The following FGF10 variants were observed in gnomAD, a reference collection of about 807,000 sequenced individuals.
FGF10 encodes FGF-10.
Under a neutral mutation model 19.8 loss-of-function variants are expected in FGF10, and 2 were observed. The ratio of observed to expected loss-of-function variants is 0.10; its 90% CI spans 0.04 to 0.32. The LOEUF is 0.32. FGF10 is among the 10% of genes least tolerant of loss of function. The pLI is 1.00. For synonymous variants in FGF10, 112 were observed against 94.0 expected (o/e 1.19, Z -1.10); for missense variants, 191 against 246.3 (o/e 0.78, Z 1.50).
intron 1 of FGF10, among the ~76,000 whole-genome samples, chr5:44,325,842 G>A (rs1740602967): frequency 6.6e-6 from 1 of 151,656 alleles, no homozygotes. Flanking sequence ...TGCACGTTGT[G>A]CACATGTACC....
chr5:44,363,633 C>T (rs892643902), intron 1 of FGF10, among the ~76,000 whole-genome samples: 2 of 151,820 alleles, frequency 1.3e-5, no homozygotes, highest in African/African-American at 4.8e-5. Context: ...GATTCACCCA[C>T]CTTAAATGTG....
intron 1 of FGF10, among the ~76,000 whole-genome samples, chr5:44,360,754 A>G (rs1469921962): frequency 6.6e-6 from 1 of 151,718 alleles, no homozygotes; most frequent in Non-Finnish European, 1.5e-5. Context: ...GGATGTAATT[A>G]ATATTTGCAA....
At chr5:44,353,220 A>G (rs917158296) in intron 1 of FGF10, among the ~76,000 whole-genome samples, 1 of 151,638 alleles carries the variant, frequency 6.6e-6, no homozygotes, top group African/African-American at 2.4e-5. Context: ...TTCAATATCC[A>G]TGTAAGAATC....
At chr5:44,365,701 T>A (rs1171753231) in intron 1 of FGF10, among the ~76,000 whole-genome samples, 3 of 151,992 alleles carry the variant, frequency 2.0e-5, no homozygotes, top group African/African-American at 7.2e-5. Flanking sequence ...AGATCTAACC[T>A]TACTGCATAT....
chr5:44,375,631 G>A (rs1741835846), intron 1 of FGF10, among the ~76,000 whole-genome samples: 2 of 152,274 alleles, frequency 1.3e-5, no homozygotes, highest in Admixed American at 1.3e-4. Context: ...GGGATGTGAT[G>A]GAATGTAGTA....
chr5:44,348,981 G>C (rs1254756216), intron 1 of FGF10, among the ~76,000 whole-genome samples: 4 of 151,310 alleles, frequency 2.6e-5, no homozygotes, highest in African/African-American at 9.7e-5. Context: ...GGTGAACCAG[G>C]GTTTCTCTTC....
At position 44,388,834 on chromosome 5, in the gene FGF10, A is replaced by C; in HGVS notation, c.-152T>G. On this transcript the variant is annotated 5_prime_UTR_variant, in exon 1 of 3. An upstream start codon of the reference 5' UTR is lost. Coordinates refer to ENST00000264664, the MANE Select transcript of FGF10 (RefSeq NM_004465.2). ...TCTGGCCAGAAGTGAATGCACCAACATCCATAACTCCTCGGAAAAGCCGGC... is the reference window on the plus strand; with the variant it reads ...TCTGGCCAGAAGTGAATGCACCAACCTCCATAACTCCTCGGAAAAGCCGGC... 1.3e-6 allele frequency: 1 copy of C among 760,082 alleles called. No homozygotes were observed. Among genetic ancestry groups the C allele is most frequent in the Non-Finnish European group, 2.3e-6 (1 of 431,010 alleles). 47.1% of individuals were successfully genotyped at this position (760,082 alleles called of 1,614,324 possible). A position where few individuals can be genotyped will look rare whatever the true frequency, so the allele number is the denominator to read the frequency against.
intron 1 of FGF10, among the ~76,000 whole-genome samples, chr5:44,352,112 T>C (rs574925658): frequency 1.3e-5 from 2 of 151,590 alleles, no homozygotes; most frequent in Non-Finnish European, 3.0e-5. Flanking sequence ...AGGAGCACAT[T>C]TGGGGATGCA....
intron 1 of FGF10, among the ~76,000 whole-genome samples, chr5:44,330,547 C>T (rs1740708914): frequency 6.6e-6 from 1 of 152,110 alleles, no homozygotes; most frequent in South Asian, 2.1e-4. Context: ...GAGTGTGTCA[C>T]TAATATTACT....
rs569887675 is a variant in FGF10, at chr5:44,366,944, A to G, written c.325+21414T>C. ...AAATAAATGTCAGCAACCCTAAGTT[A>G]ACTTCTCTTAAAATTTTGCTTTCTT... On this transcript the variant is annotated intron_variant, in intron 1 of 2. Transcript: ENST00000264664. Among the ~76,000 whole-genome samples, 4 of 152,202 alleles carry G rather than the reference A, an allele frequency of 2.6e-5. No individual in the cohort carries two copies. The South Asian group carries it at 8.3e-4, about 32-fold the overall frequency.
chr5:44,325,881 T>TA (rs5867660), intron 1 of FGF10, among the ~76,000 whole-genome samples: 5 of 151,650 alleles, frequency 3.3e-5, no homozygotes, highest in East Asian at 1.9e-4. Context: ...TACAAAATTT[T>TA]AAAAAAAAGA....
chr5:44,359,247 T>C (rs1337661856), intron 1 of FGF10, among the ~76,000 whole-genome samples: 1 of 151,494 alleles, frequency 6.6e-6, no homozygotes, highest in Non-Finnish European at 1.5e-5. Flanking sequence ...TTGCATATTT[T>C]TGCATAAAAG....
chr5:44,325,121 G>A (rs1217060213), intron 1 of FGF10, among the ~76,000 whole-genome samples: 1 of 152,080 alleles, frequency 6.6e-6, no homozygotes, highest in African/African-American at 2.4e-5. Flanking sequence ...GCAGCCAAAA[G>A]ACACATGAAA....
At chr5:44,351,498 G>A (rs1340854051) in intron 1 of FGF10, among the ~76,000 whole-genome samples, 1 of 151,486 alleles carries the variant, frequency 6.6e-6, no homozygotes, top group East Asian at 1.9e-4. Flanking sequence ...TATCTCTGAC[G>A]ATTTGAGAAC....
In FGF10 at chr5:44,346,695, T is replaced by C. The variant is rs370299341; in HGVS notation, c.326-36165A>G. On this transcript the variant is annotated intron_variant, in intron 1 of 2. Transcript: ENST00000264664. Reference sequence around the variant, plus strand: ...TACATCGCCTCATAAGTAAATAATCTGATACAAATAATCGGTCTCAAAGTA... The same window carrying C: ...TACATCGCCTCATAAGTAAATAATCCGATACAAATAATCGGTCTCAAAGTA... Among the ~76,000 whole-genome samples the C allele has an allele frequency of 2.4e-4, 37 of 152,028 alleles. 1 individual carries two copies. Among genetic ancestry groups the C allele is most frequent in the African/African-American group, 8.9e-4 (37 of 41,552 alleles).
intron 1 of FGF10, among the ~76,000 whole-genome samples, chr5:44,315,111 C>T (rs1429876259): frequency 7.0e-6 from 1 of 143,454 alleles, no homozygotes; most frequent in African/African-American, 2.6e-5. Context: ...CAAAGGCAAA[C>T]AAGATGTGGT....
chr5:44,330,827 T>G (rs1251538728), intron 1 of FGF10, among the ~76,000 whole-genome samples: 1 of 152,198 alleles, frequency 6.6e-6, no homozygotes, highest in Non-Finnish European at 1.5e-5. Flanking sequence ...CAATTTAAAC[T>G]GTTCAAAATA....
chr5:44,369,144 T>C (rs896523324), intron 1 of FGF10, among the ~76,000 whole-genome samples: 2 of 152,094 alleles, frequency 1.3e-5, no homozygotes, highest in African/African-American at 4.8e-5. Context: ...ACACCCAAGG[T>C]GGACAGAGTC....
At chr5:44,318,224 A>T (rs1488783998) in intron 1 of FGF10, among the ~76,000 whole-genome samples, 1 of 152,172 alleles carries the variant, frequency 6.6e-6, no homozygotes, top group African/African-American at 2.4e-5. Context: ...AGAAGCCTGA[A>T]CGATTACGTT....
Sources: gnomAD v4.1 joint callset for allele counts (sites outside exome capture counted in the v4.1 genomes callset) on GRCh38, gnomAD v4.1.1 for gene constraint, MANE v1.5 for transcripts, NCBI Gene and HGNC (gene_info 2026-07-23, HGNC 2026-07-21) for gene names.